Variants in TFDP2 observed in about 807,000 individuals in gnomAD.
TFDP2 encodes transcription factor Dp-2 (E2F dimerization partner 2).
A neutral mutation model predicts 59.3 loss-of-function variants in TFDP2; 17 were observed. That is an observed-to-expected ratio of 0.29 (90% CI 0.20 to 0.43). The LOEUF (loss-of-function observed/expected upper bound fraction) is 0.43. TFDP2 is among the 20% of genes least tolerant of loss of function. The pLI is 1.00. For synonymous variants in TFDP2, 180 were observed against 194.7 expected (o/e 0.92, Z 0.63); for missense variants, 391 against 528.8 (o/e 0.74, Z 2.56).
chr3:142,043,300 G>T (rs1408317956), intron 3 of TFDP2, among the ~76,000 whole-genome samples: 3 of 151,788 alleles, frequency 2.0e-5, no homozygotes, highest in East Asian at 1.9e-4. Context: ...ACCCACCTCG[G>T]CCTCCCAAAG....
chr3:142,141,167 C>T (rs551116385), intron 1 of TFDP2, among the ~76,000 whole-genome samples: 3 of 152,340 alleles, frequency 2.0e-5, no homozygotes, highest in East Asian at 1.9e-4. Flanking sequence ...ATGTGGGGCC[C>T]GCCAAGCCAG....
intron 1 of TFDP2, among the ~76,000 whole-genome samples, chr3:142,141,843 A>G (rs1276113735): frequency 6.6e-6 from 1 of 152,142 alleles, no homozygotes; most frequent in Non-Finnish European, 1.5e-5. Flanking sequence ...AAAAGTCAAA[A>G]GAGCATGAAA....
intron 1 of TFDP2, among the ~76,000 whole-genome samples, chr3:142,138,186 T>C (rs1314138301): frequency 2.6e-5 from 4 of 152,232 alleles, no homozygotes; most frequent in Non-Finnish European, 4.4e-5. Context: ...TATTCTCTGA[T>C]GGTAGTTTGT....
intron 8 of TFDP2, among the ~76,000 whole-genome samples, chr3:141,970,511 A>G (rs2107994459): frequency 6.6e-6 from 1 of 152,304 alleles, no homozygotes; most frequent in Non-Finnish European, 1.5e-5. Flanking sequence ...ACCTTCACAA[A>G]AACCTTATGA....
Position 141,974,061 on chromosome 3 carries a change from C to T in TFDP2, c.650G>A (p.Cys217Tyr), listed in dbSNP as rs199842925. The stretch of plus-strand genomic sequence containing the variant: ...TTTCTCACTTACCTCCAGATTCTGA[C>T]ATTCCTGAGCAGAATTGGTAGGCAG... ...IGLPTNSAQE[C>Y]QNLEIEKQRR... The change falls in exon 8 of 13, where the codon TGT becomes TAT. Residue 217 changes from cysteine (C) to tyrosine (Y), a missense_variant. Physicochemically the swap from Cys to Tyr is radical, Grantham distance 194 (BLOSUM62 -2). This residue lies in a region of TFDP2 where 223 missense variants were observed against 292.5 expected (regional missense o/e 0.76). Transcript: ENST00000489671. 715 of 1,610,026 alleles carry T rather than the reference C, an allele frequency of 4.4e-4. 2 individuals are homozygous for T. The highest frequency in any genetic ancestry group is 7.3e-4 in the South Asian group (66 of 89,942).
At chr3:141,976,909 T>C (rs1299056698) in intron 7 of TFDP2, among the ~76,000 whole-genome samples, 1 of 150,026 alleles carries the variant, frequency 6.7e-6, no homozygotes, top group East Asian at 1.9e-4. Flanking sequence ...TCTGGACAAA[T>C]TAAGTAATAA....
intron 3 of TFDP2, among the ~76,000 whole-genome samples, chr3:142,031,208 T>C (rs1261096335): frequency 6.6e-6 from 1 of 152,152 alleles, no homozygotes; most frequent in Admixed American, 6.6e-5. Flanking sequence ...AAGTGACAAA[T>C]AAAATAAGGT....
chr3:142,143,711 A>G (rs1329154732), intron 1 of TFDP2, among the ~76,000 whole-genome samples: 1 of 152,218 alleles, frequency 6.6e-6, no homozygotes, highest in East Asian at 1.9e-4. Flanking sequence ...CTATCATTTC[A>G]CCCCAGTTAA....
At chr3:142,008,644 C>G (rs1576678510) in intron 3 of TFDP2, among the ~76,000 whole-genome samples, 1 of 151,976 alleles carries the variant, frequency 6.6e-6, no homozygotes, top group East Asian at 1.9e-4. Context: ...ATTTTCTGAG[C>G]AATTATTATG....
At chr3:142,018,013 G>T (rs1945276117) in intron 3 of TFDP2, among the ~76,000 whole-genome samples, 1 of 151,604 alleles carries the variant, frequency 6.6e-6, no homozygotes, top group Admixed American at 6.6e-5. Flanking sequence ...CACGATCTTG[G>T]TTTACTGCAA....
At chr3:142,029,264 C>CCT (rs146738638) in intron 3 of TFDP2, 10,582 of 151,822 alleles carry the variant, frequency 0.07, 471 homozygotes, top group Non-Finnish European at 0.11. Flanking sequence ...AGTCCTGCCC[C>CCT]GAGATAGGAG....
chr3:142,109,363 C>T (rs35890490), intron 1 of TFDP2, among the ~76,000 whole-genome samples: 7,701 of 149,978 alleles, frequency 0.051, 263 homozygotes, highest in Middle Eastern at 0.078. Context: ...TGGAGTCTCG[C>T]TGTCACCCAG....
At chr3:141,991,901 G>C (rs934429068) in intron 6 of TFDP2, among the ~76,000 whole-genome samples, 1 of 152,008 alleles carries the variant, frequency 6.6e-6, no homozygotes, top group African/African-American at 2.4e-5. Context: ...AACCTGCTGG[G>C]CATGGTGGTG....
At chr3:142,045,323 C>T (rs986567287) in intron 3 of TFDP2, among the ~76,000 whole-genome samples, 8 of 152,010 alleles carry the variant, frequency 5.3e-5, no homozygotes, top group Admixed American at 5.2e-4. Context: ...CAACACCGGG[C>T]TAATTTTTGT....
chr3:142,057,652 T>G (rs780744457), intron 3 of TFDP2, among the ~76,000 whole-genome samples: 1 of 152,166 alleles, frequency 6.6e-6, no homozygotes, highest in Non-Finnish European at 1.5e-5. Flanking sequence ...TTCCAAAAGA[T>G]AAGTTTAAGT....
intron 3 of TFDP2, among the ~76,000 whole-genome samples, chr3:142,068,651 T>C (rs2060147490): frequency 6.6e-6 from 1 of 151,794 alleles, no homozygotes; most frequent in Non-Finnish European, 1.5e-5. Flanking sequence ...ATTGCAACCC[T>C]TGCCTCCTGG....
chr3:141,994,881 A>G, intron 5 of TFDP2, 139 bp downstream of exon 5: 1 of 655,410 alleles, frequency 1.5e-6, no homozygotes, highest in Non-Finnish European at 2.4e-6. Flanking sequence ...ATATAAAGTG[A>G]AATAAAATAG....
At chr3:141,998,672 A>G (rs751460385) in intron 4 of TFDP2, among the ~76,000 whole-genome samples, 1 of 152,128 alleles carries the variant, frequency 6.6e-6, no homozygotes, top group Non-Finnish European at 1.5e-5. Context: ...TACTTTTAAT[A>G]TTCACTTGAT....
intron 3 of TFDP2, among the ~76,000 whole-genome samples, chr3:142,027,290 AAAT>A (rs150435747): frequency 0.76 from 115,472 of 151,662 alleles, 43,991 homozygotes; most frequent in South Asian, 0.81. Flanking sequence ...CCTGAATATA[AAAT>A]AATAAATTTT....
Sources: gnomAD v4.1 joint callset for allele counts (sites outside exome capture counted in the v4.1 genomes callset) on GRCh38, gnomAD v4.1.1 for gene constraint, gnomAD v4.1.1 regional missense constraint, MANE v1.5 for transcripts, NCBI Gene and HGNC (gene_info 2026-07-23, HGNC 2026-07-21) for gene names.